HDAC9: variants seen among roughly 807,000 people sequenced by gnomAD.
HDAC9 encodes histone deacetylase 9.
A neutral mutation model predicts 139.4 loss-of-function variants in HDAC9; 41 were observed. The observed-to-expected ratio is 0.29, with a 90% CI of 0.23 to 0.38. The LOEUF is 0.38. HDAC9 is among the 10% of genes least tolerant of loss of function. The pLI, the probability that HDAC9 is intolerant of heterozygous loss-of-function variation, is 1.00. For synonymous variants in HDAC9, 517 were observed against 476.2 expected (o/e 1.09, Z -1.12); for missense variants, 1,147 against 1,297.0 (o/e 0.88, Z 1.78).
intron 6 of HDAC9, among the ~76,000 whole-genome samples, chr7:18,621,709 A>C (rs189813299): frequency 2.0e-3 from 305 of 152,346 alleles, no homozygotes; most frequent in Admixed American, 3.7e-3. Context: ...AAAATATATA[A>C]AATCTAATTC....
chr7:18,192,024 T>C (rs1327322109), intron 2 of HDAC9, among the ~76,000 whole-genome samples: 1 of 152,128 alleles, frequency 6.6e-6, no homozygotes, highest in Non-Finnish European at 1.5e-5. Context: ...AACCCTTAAT[T>C]GTGATTGTAC....
At chr7:18,773,863 A>AC (rs1287618523) in intron 16 of HDAC9, among the ~76,000 whole-genome samples, 1 of 152,070 alleles carries the variant, frequency 6.6e-6, no homozygotes, top group African/African-American at 2.4e-5. Flanking sequence ...CCAGATATTC[A>AC]CCCCCGTAAC....
intron 5 of HDAC9, among the ~76,000 whole-genome samples, 185 bp from the exon 6 acceptor site, chr7:18,593,723 C>A (rs1363770525): frequency 6.6e-6 from 1 of 152,062 alleles, no homozygotes; most frequent in Non-Finnish European, 1.5e-5. Flanking sequence ...CCTTAGGATC[C>A]CTGCATCATT....
chr7:18,926,998 C>A (rs917681324), intron 22 of HDAC9, among the ~76,000 whole-genome samples: 2 of 152,090 alleles, frequency 1.3e-5, no homozygotes, highest in African/African-American at 4.8e-5. Flanking sequence ...TTTCCGGATT[C>A]AGTGAACTTG....
At chr7:18,962,200 A>G (rs1211063593) in intron 24 of HDAC9, among the ~76,000 whole-genome samples, 1 of 152,134 alleles carries the variant, frequency 6.6e-6, no homozygotes, top group Non-Finnish European at 1.5e-5. Context: ...GTCAGGTGGG[A>G]GCTGCTATTT....
chr7:18,567,676 G>A (rs924182045), intron 2 of HDAC9, among the ~76,000 whole-genome samples: 1 of 152,016 alleles, frequency 6.6e-6, no homozygotes, highest in African/African-American at 2.4e-5. Flanking sequence ...CAACATTTGG[G>A]TAAATATTTT....
intron 21 of HDAC9, among the ~76,000 whole-genome samples, chr7:18,849,006 G>C (rs1199327936): frequency 6.6e-6 from 1 of 152,064 alleles, no homozygotes; most frequent in Admixed American, 6.6e-5. Flanking sequence ...CCCAACATCT[G>C]TAAGTATCAT....
chr7:18,397,271 G>A (rs1787149256), intron 1 of HDAC9, among the ~76,000 whole-genome samples: 1 of 152,070 alleles, frequency 6.6e-6, no homozygotes, highest in African/African-American at 2.4e-5. Flanking sequence ...AATTGACATT[G>A]ACATATTAGC....
chr7:18,522,508 A>T (rs778624137), intron 2 of HDAC9, among the ~76,000 whole-genome samples: 1 of 151,984 alleles, frequency 6.6e-6, no homozygotes, highest in Non-Finnish European at 1.5e-5. Flanking sequence ...TTCCAAGCAT[A>T]TAACTGGACA....
At chr7:18,734,695 A>C (rs372989651) in intron 13 of HDAC9, among the ~76,000 whole-genome samples, 1 of 152,224 alleles carries the variant, frequency 6.6e-6, no homozygotes, top group Non-Finnish European at 1.5e-5. Context: ...TACAATAAAC[A>C]TACATGTGCA....
At chr7:18,163,760 A>C (rs908943801) in intron 2 of HDAC9, among the ~76,000 whole-genome samples, 1 of 152,194 alleles carries the variant, frequency 6.6e-6, no homozygotes, top group Admixed American at 6.5e-5. Context: ...TTGCATTTTA[A>C]ATATTATGTA....
In HDAC9 at chr7:19,001,251, G is replaced by C. The variant is rs1343247233; in HGVS notation, c.*5189G>C. 1.3e-5 allele frequency: 2 copies of C among 152,124 alleles called. No individual in the cohort carries two copies. Among genetic ancestry groups the C allele is most frequent in the Non-Finnish European group, 2.9e-5 (2 of 67,990 alleles). The allele number at this position is 152,124 out of a possible 1,614,324, so 9.4% of individuals were successfully genotyped here. A position where few individuals can be genotyped will look rare whatever the true frequency, so the allele number is the denominator to read the frequency against. ...TGAACTCTCACCTGAAAGAAAACTG[G>C]AAAAGGAGAAACTTTAAATCAGTAT... On this transcript the variant is annotated 3_prime_UTR_variant, in exon 26 of 26. Transcript: ENST00000686413.
At chr7:18,288,755 C>T (rs1046687235), upstream of HDAC9, among the ~76,000 whole-genome samples, 14 of 151,654 alleles carry the variant, frequency 9.2e-5, no homozygotes, top group African/African-American at 3.4e-4. Flanking sequence ...ATACATTGGT[C>T]CTAAAGAGGC....
chr7:18,112,993 G>T (rs956255935), intron 1 of HDAC9, among the ~76,000 whole-genome samples: 2 of 152,128 alleles, frequency 1.3e-5, no homozygotes, highest in African/African-American at 4.8e-5. Context: ...ACAGGCGAAG[G>T]TGGAAGTAAA....
At chr7:18,157,977 T>A (rs1787346992) in intron 1 of HDAC9, among the ~76,000 whole-genome samples, 1 of 152,180 alleles carries the variant, frequency 6.6e-6, no homozygotes. Flanking sequence ...GGAGGAACCA[T>A]GGTTAATGTC....
chr7:18,930,707 C>T (rs945204120), intron 22 of HDAC9, among the ~76,000 whole-genome samples: 1 of 152,160 alleles, frequency 6.6e-6, no homozygotes, highest in African/African-American at 2.4e-5. Flanking sequence ...ATGTTTTGTG[C>T]ATGCATAACT....
chr7:18,404,217 C>G (rs1357477438), intron 1 of HDAC9, among the ~76,000 whole-genome samples: 3 of 152,036 alleles, frequency 2.0e-5, no homozygotes, highest in Non-Finnish European at 4.4e-5. Flanking sequence ...TATTTAATAT[C>G]TAGTTAGTCC....
At chr7:18,180,497 A>G (rs554119833) in intron 2 of HDAC9, among the ~76,000 whole-genome samples, 1 of 152,144 alleles carries the variant, frequency 6.6e-6, no homozygotes, top group South Asian at 2.1e-4. Flanking sequence ...TCCTGCGGCC[A>G]TATGAGAGGT....
intron 2 of HDAC9, among the ~76,000 whole-genome samples, chr7:18,281,286 A>G (rs181341865): frequency 2.0e-5 from 3 of 152,226 alleles, no homozygotes; most frequent in Non-Finnish European, 4.4e-5. Context: ...GTGAGCATCA[A>G]AACTATTCAC....
Sources: gnomAD v4.1 joint callset for allele counts (sites outside exome capture counted in the v4.1 genomes callset) on GRCh38, gnomAD v4.1.1 for gene constraint, MANE v1.5 for transcripts, NCBI Gene and HGNC (gene_info 2026-07-23, HGNC 2026-07-21) for gene names.